The following ARHGAP28 variants were observed in gnomAD, a reference collection of about 807,000 sequenced individuals.
ARHGAP28 encodes rho GTPase-activating protein 28.
Under a neutral mutation model 90.7 loss-of-function variants are expected in ARHGAP28, and 56 were observed. The observed-to-expected ratio is 0.62, with a 90% CI of 0.50 to 0.77. ARHGAP28 has a LOEUF of 0.77. Among genes scored for constraint, ARHGAP28 ranks in the 30% least tolerant of loss-of-function variants. The pLI is 0.00. For synonymous variants in ARHGAP28, 308 were observed against 323.3 expected (o/e 0.95, Z 0.51); for missense variants, 869 against 900.9 (o/e 0.96, Z 0.45).
At chr18:6,821,035 GCAA>G (rs1229016055) in intron 1 of ARHGAP28, among the ~76,000 whole-genome samples, 1 of 152,152 alleles carries the variant, frequency 6.6e-6, no homozygotes, top group Non-Finnish European at 1.5e-5. Context: ...CTATTTTAAA[GCAA>G]CAACAATAAT....
At chr18:6,751,722 A>G (rs768636867) in intron 1 of ARHGAP28, among the ~76,000 whole-genome samples, 8 of 152,248 alleles carry the variant, frequency 5.3e-5, no homozygotes, top group Non-Finnish European at 1.0e-4. Context: ...AGCCCTGGCA[A>G]CAGCAGTTGC....
chr18:6,846,607 C>T (rs1423773173), intron 3 of ARHGAP28, among the ~76,000 whole-genome samples: 3 of 152,148 alleles, frequency 2.0e-5, no homozygotes, highest in Admixed American at 6.6e-5. Context: ...TCCAGTCATA[C>T]CTTCCTTCCC....
intron 3 of ARHGAP28, among the ~76,000 whole-genome samples, chr18:6,840,284 A>G (rs887681661): frequency 6.6e-6 from 1 of 152,148 alleles, no homozygotes; most frequent in African/African-American, 2.4e-5. Context: ...TCTCACTTCT[A>G]TTTCCAGATG....
intron 1 of ARHGAP28, among the ~76,000 whole-genome samples, chr18:6,735,869 C>T (rs145471425): frequency 0.018 from 2,788 of 152,136 alleles, 36 homozygotes; most frequent in Non-Finnish European, 0.028. Flanking sequence ...TATGCATTTT[C>T]GATGAGAAAT....
At chr18:6,767,073 G>C (rs984212316) in intron 1 of ARHGAP28, among the ~76,000 whole-genome samples, 1 of 151,942 alleles carries the variant, frequency 6.6e-6, no homozygotes, top group Admixed American at 6.6e-5. Flanking sequence ...TATTACCTGA[G>C]TTTTACTGGG....
In ARHGAP28 at chr18:6,734,735, A is replaced by G. The variant is rs1410399003; in HGVS notation, c.122+4792A>G. 2.0e-5 allele frequency among the ~76,000 whole-genome samples: 3 copies of G among 152,212 alleles called. No individual in the cohort carries two copies. The South Asian group carries it at 6.2e-4, about 32-fold the overall frequency. ...TTACTAAGCATTTATGTAGGCCCGT[A>G]TGAGCTTATGTACACATGCACAGGG... On this transcript the variant is annotated intron_variant, in intron 1 of 17. Coordinates refer to ENST00000383472, the MANE Select transcript of ARHGAP28 (RefSeq NM_001366230.1).
chr18:6,824,630 T>C (rs1265451372), intron 1 of ARHGAP28, 132 bp from the exon 2 acceptor site: 1 of 774,828 alleles, frequency 1.3e-6, no homozygotes, highest in Non-Finnish European at 2.0e-6. Context: ...CTCAAACCTA[T>C]CTCAACCATG....
chr18:6,837,332 A>G lies in ARHGAP28; in HGVS notation c.461A>G (p.His154Arg). Reference sequence around the variant, plus strand: ...GCAGCTGCCGTGCAAAAGAGATACCATACCTATACCCAAACCATGAGGAAA... The same window carrying G: ...GCAGCTGCCGTGCAAAAGAGATACCGTACCTATACCCAAACCATGAGGAAA... ...TQAAAVQKRYHTYTQTMRKKD... is the reference protein window; with the variant it reads ...TQAAAVQKRYRTYTQTMRKKD... The change falls in exon 3 of 18, where the codon CAT becomes CGT. Residue 154 changes from histidine (H) to arginine (R), a missense_variant. Coordinates refer to ENST00000383472, the MANE Select transcript of ARHGAP28 (RefSeq NM_001366230.1). 3 of 1,613,968 alleles carry G rather than the reference A, an allele frequency of 1.9e-6. No individual in the cohort carries two copies. Among genetic ancestry groups the G allele is most frequent in the Non-Finnish European group, 8.5e-7 (1 of 1,180,004 alleles).
Position 6,859,885 on chromosome 18 carries a change from G to T in ARHGAP28, c.714G>T (p.Arg238Ser). ...QDKEGSFAVPRSDSVAILETI... is the reference protein window; with the variant it reads ...QDKEGSFAVPSSDSVAILETI... ...AAGAAGGGAGTTTTGCGGTTCCCAG[G>T]AGTGACTCTGTGGTAAGTCATCCAT... The change falls in exon 5 of 18, where the codon AGG becomes AGT. Residue 238 changes from arginine (R) to serine (S), a missense_variant. Coordinates refer to ENST00000383472, the MANE Select transcript of ARHGAP28 (RefSeq NM_001366230.1). The T allele has an allele frequency of 1.2e-6, 2 of 1,614,162 alleles. No homozygotes were observed. The highest frequency in any genetic ancestry group is 1.7e-6 in the Non-Finnish European group (2 of 1,180,000).
At chr18:6,809,305 A>G (rs2056540079) in intron 1 of ARHGAP28, among the ~76,000 whole-genome samples, 1 of 152,168 alleles carries the variant, frequency 6.6e-6, no homozygotes, top group African/African-American at 2.4e-5. Context: ...TTCACTTTAT[A>G]TATTTTTAAC....
chr18:6,897,182 G>A (rs1389263626), intron 16 of ARHGAP28: 1 of 152,338 alleles, frequency 6.6e-6, no homozygotes, highest in Non-Finnish European at 1.5e-5. Flanking sequence ...CCAAAGTGCT[G>A]GGATTACAGG....
intron 1 of ARHGAP28, among the ~76,000 whole-genome samples, chr18:6,796,434 C>T (rs931583307): frequency 6.6e-5 from 10 of 152,082 alleles, no homozygotes; most frequent in Non-Finnish European, 1.5e-4. Flanking sequence ...TAAAAGCTTC[C>T]TGGCCTCTGT....
intron 1 of ARHGAP28, among the ~76,000 whole-genome samples, chr18:6,809,759 C>T (rs2143679043): frequency 6.6e-6 from 1 of 152,258 alleles, no homozygotes; most frequent in South Asian, 2.1e-4. Flanking sequence ...GCCGCACCTC[C>T]AACATTGGGG....
At chr18:6,736,545 G>T (rs894002840) in intron 1 of ARHGAP28, among the ~76,000 whole-genome samples, 1 of 150,886 alleles carries the variant, frequency 6.6e-6, no homozygotes, top group African/African-American at 2.4e-5. Flanking sequence ...TTCGAGACCA[G>T]CCTGACTAAC....
intron 16 of ARHGAP28, among the ~76,000 whole-genome samples, chr18:6,902,575 C>T (rs1034435330): frequency 1.3e-5 from 2 of 152,050 alleles, no homozygotes; most frequent in South Asian, 2.1e-4. Context: ...CCTCCTTTAA[C>T]TTATGTGATT....
At chr18:6,813,795 C>G (rs2056572745) in intron 1 of ARHGAP28, among the ~76,000 whole-genome samples, 1 of 152,082 alleles carries the variant, frequency 6.6e-6, no homozygotes, top group Admixed American at 6.5e-5. Context: ...TTTTGGACAA[C>G]TTACTGCCCC....
chr18:6,894,742 A>C, intron 14 of ARHGAP28, 93 bp from the exon 15 acceptor site: 1 of 1,007,774 alleles, frequency 9.9e-7, no homozygotes, highest in Admixed American at 2.4e-5. Flanking sequence ...TATTGCCAAA[A>C]TGTTCTCCAT....
chr18:6,909,829 C>T lies in ARHGAP28; in HGVS notation c.2095+805C>T, dbSNP rs113141512. 1.2e-3 allele frequency among the ~76,000 whole-genome samples: 190 copies of T among 152,216 alleles called. 2 individuals carry two copies. Among genetic ancestry groups the T allele is most frequent in the African/African-American group, 4.3e-3 (178 of 41,536 alleles). On this transcript the variant is annotated intron_variant, in intron 17 of 17. Transcript: ENST00000383472. ...ACAGCCCCATGGGTGCTCCGTGCTC[C>T]CACTGAGGGCAGTGCCTCCTCTCAC...
At position 6,828,445 on chromosome 18, in the gene ARHGAP28, A is replaced by G. The variant is rs144925853; in HGVS notation, c.325+3481A>G. ...TTAGTTTAATCAGGTCCCACTTGTCAATTTTTGTTTTTATAGAAATTGCCT... is the reference window on the plus strand; with the variant it reads ...TTAGTTTAATCAGGTCCCACTTGTCGATTTTTGTTTTTATAGAAATTGCCT... On this transcript the variant is annotated intron_variant, in intron 2 of 17. Transcript: ENST00000383472. 8.5e-3 allele frequency among the ~76,000 whole-genome samples: 1,287 copies of G among 152,274 alleles called. 10 individuals are homozygous for G. The highest frequency in any genetic ancestry group is 0.016 in the Admixed American group (240 of 15,300).
Sources: allele counts gnomAD v4.1 joint callset (sites outside exome capture counted in the v4.1 genomes callset), GRCh38; gene constraint gnomAD v4.1.1; transcripts MANE v1.5; gene names NCBI Gene and HGNC (gene_info 2026-07-23, HGNC 2026-07-21).